Variants in AFF3 observed in about 807,000 individuals in gnomAD.
AFF3 encodes the protein AF4/FMR2 family member 3.
AFF3 carries 32 observed loss-of-function variants against 129.7 expected under a neutral mutation model. The ratio of observed to expected loss-of-function variants is 0.25; its 90% confidence interval spans 0.19 to 0.33. The LOEUF is 0.33. Among genes scored for constraint, AFF3 ranks in the 10% least tolerant of loss-of-function variants. AFF3 has a pLI of 1.00. For synonymous variants in AFF3, 644 were observed against 635.4 expected, an observed-to-expected ratio of 1.01 and a Z score of -0.20; for missense variants, 1,373 against 1,592.0, an observed-to-expected ratio of 0.86 and a Z score of 2.34.
At chr2:100,010,964 T>C (rs775496880) in intron 4 of AFF3, among the ~76,000 whole-genome samples, 1 of 152,152 alleles carries the variant, frequency 6.6e-6, no homozygotes, top group Non-Finnish European at 1.5e-5. Flanking sequence ...TGGAACAATA[T>C]TGACACCTGC....
At chr2:99,672,241 TA>T (rs1687233600) in intron 12 of AFF3, among the ~76,000 whole-genome samples, 1 of 112,068 alleles carries the variant, frequency 8.9e-6, no homozygotes, top group Non-Finnish European at 2.0e-5. Flanking sequence ...CATGAATAAA[TA>T]AAAAAGAAAA....
intron 7 of AFF3, among the ~76,000 whole-genome samples, chr2:99,942,394 A>C (rs1337034520): frequency 6.6e-6 from 1 of 152,062 alleles, no homozygotes; most frequent in Non-Finnish European, 1.5e-5. Flanking sequence ...AAAAATAATA[A>C]AGAAGAAAAT....
chr2:99,813,369 A>G (rs1242876727), intron 8 of AFF3, among the ~76,000 whole-genome samples: 1 of 152,232 alleles, frequency 6.6e-6, no homozygotes, highest in East Asian at 1.9e-4. Context: ...CTTCCAAAAG[A>G]GCTCTTTAAG....
chr2:100,105,447 A>T, intron 3 of AFF3, 57 bp downstream of exon 3: 1 of 1,321,386 alleles, frequency 7.6e-7, no homozygotes, highest in Non-Finnish European at 1.0e-6. Flanking sequence ...TGGTGGTCCC[A>T]CCCACCCTCT....
intron 7 of AFF3, among the ~76,000 whole-genome samples, chr2:99,938,848 T>TA (rs1481612869): frequency 6.6e-6 from 1 of 152,188 alleles, no homozygotes; most frequent in East Asian, 1.9e-4. Flanking sequence ...TCTCCATGTA[T>TA]ATAATATACA....
At chr2:99,672,951 G>A (rs1687296935) in intron 11 of AFF3, among the ~76,000 whole-genome samples, 1 of 152,040 alleles carries the variant, frequency 6.6e-6, no homozygotes, top group East Asian at 1.9e-4. Flanking sequence ...AATATTTGAG[G>A]TGACGAATAT....
At chr2:99,986,956 A>G (rs1311962591) in intron 7 of AFF3, among the ~76,000 whole-genome samples, 1 of 152,206 alleles carries the variant, frequency 6.6e-6, no homozygotes, top group Non-Finnish European at 1.5e-5. Flanking sequence ...TAAAACATGC[A>G]GGGTGCTCTA....
chr2:99,573,718 T>C (rs1364426165), intron 18 of AFF3, among the ~76,000 whole-genome samples: 1 of 152,214 alleles, frequency 6.6e-6, no homozygotes. Flanking sequence ...CTGGCGTCTA[T>C]AGTCAGTCTT....
chr2:99,576,536 A>C (rs1677017356), intron 18 of AFF3, among the ~76,000 whole-genome samples: 1 of 151,192 alleles, frequency 6.6e-6, no homozygotes, highest in African/African-American at 2.4e-5. Context: ...AAAAAAAAAA[A>C]GTCCAAGTAC....
At chr2:99,632,874 C>T (rs1162155753) in intron 13 of AFF3, among the ~76,000 whole-genome samples, 1 of 152,168 alleles carries the variant, frequency 6.6e-6, no homozygotes, top group Non-Finnish European at 1.5e-5. Flanking sequence ...TACTATTGTA[C>T]ACCTTATCAC....
intron 7 of AFF3, 80 bp from the exon 8 acceptor site, chr2:99,837,604 TCCC>T (rs1553463363): frequency 7.6e-7 from 1 of 1,320,146 alleles, no homozygotes; most frequent in African/African-American, 1.7e-5. Flanking sequence ...TCCAAATTAG[TCCC>T]CCCCAACAAA....
intron 8 of AFF3, among the ~76,000 whole-genome samples, chr2:99,808,473 T>C (rs1686525950): frequency 6.6e-6 from 1 of 152,196 alleles, no homozygotes; most frequent in South Asian, 2.1e-4. Flanking sequence ...TTTGTCTCTG[T>C]ATGAAAATAC....
At chr2:100,055,569 A>G (rs1686701623) in intron 4 of AFF3, among the ~76,000 whole-genome samples, 1 of 152,164 alleles carries the variant, frequency 6.6e-6, no homozygotes, top group Non-Finnish European at 1.5e-5. Context: ...CTTGGGCATT[A>G]GTAAGAATGC....
chr2:100,006,666 T>C lies in AFF3; in HGVS notation c.839A>G (p.Lys280Arg), dbSNP rs1212957962. 1 of 1,611,782 alleles carries C rather than the reference T, an allele frequency of 6.2e-7. No homozygotes were observed. The highest frequency in any genetic ancestry group is 1.1e-5 in the South Asian group (1 of 91,062). ...SKPEPARAKAKLSKFSIPKQG... is the reference protein window; with the variant it reads ...SKPEPARAKARLSKFSIPKQG... ...CTTGGGGATGCTGAACTTGGAGAGC[T>C]TGGCCTTGGCTCTGGCAGGCTCCGG... is the stretch of plus-strand genomic sequence containing the variant. Residue 280 changes from lysine (K) to arginine (R), a missense_variant, in exon 7 of 25, where the codon AAG becomes AGG. Physicochemically the swap from Lys to Arg is conservative, Grantham distance 26. Transcript: ENST00000672756.
At chr2:99,843,568 T>C (rs1298642529) in intron 7 of AFF3, among the ~76,000 whole-genome samples, 1 of 152,214 alleles carries the variant, frequency 6.6e-6, no homozygotes, top group Non-Finnish European at 1.5e-5. Context: ...AGACAAAGGA[T>C]ACAAAAGCTC....
chr2:99,963,627 C>CA (rs140675638), intron 7 of AFF3, among the ~76,000 whole-genome samples: 6,330 of 148,648 alleles, frequency 0.043, 407 homozygotes, highest in African/African-American at 0.14. Flanking sequence ...TACTAAAAAA[C>CA]AAAAAAAAAC....
intron 21 of AFF3, among the ~76,000 whole-genome samples, chr2:99,559,236 G>T (rs1460039894): frequency 6.6e-6 from 1 of 151,574 alleles, no homozygotes; most frequent in Non-Finnish European, 1.5e-5. Flanking sequence ...GGTCACAGGG[G>T]CCGGCCGCTT....
intron 10 of AFF3, 150 bp from the exon 11 acceptor site, chr2:99,727,278 C>T (rs573780008): frequency 1.3e-5 from 11 of 816,178 alleles, no homozygotes; most frequent in South Asian, 7.3e-5. Context: ...GTCTGAGAAC[C>T]GGATTTGCAA....
intron 4 of AFF3, among the ~76,000 whole-genome samples, chr2:100,081,841 TA>T (rs1052165568): frequency 6.6e-6 from 1 of 152,170 alleles, no homozygotes; most frequent in Admixed American, 6.5e-5. Context: ...GACATGAAAA[TA>T]AAAAAATCAG....
Sources: gnomAD v4.1 joint callset for allele counts (sites outside exome capture counted in the v4.1 genomes callset) on GRCh38, gnomAD v4.1.1 for gene constraint, MANE v1.5 for transcripts, NCBI Gene and HGNC (gene_info 2026-07-23, HGNC 2026-07-21) for gene names.